Variants in PLPPR5 observed in about 807,000 individuals in gnomAD.
PLPPR5 encodes the protein phospholipid phosphatase-related protein type 5.
A neutral mutation model predicts 33.9 loss-of-function variants in PLPPR5; 16 were observed. The observed-to-expected ratio is 0.47, with a 90% CI of 0.32 to 0.72. The LOEUF (loss-of-function observed/expected upper bound fraction) is 0.72, where lower values mean the gene tolerates loss of function less well. Ranked by LOEUF, PLPPR5 falls within the 30% of genes least tolerant of loss-of-function variation. PLPPR5 has a pLI of 0.03. For missense variants in PLPPR5, 301 were observed against 406.7 expected (o/e 0.74, Z 2.23); for synonymous variants, 163 against 150.3 (o/e 1.08, Z -0.62).
intron 1 of PLPPR5, among the ~76,000 whole-genome samples, chr1:98,962,761 C>T (rs1651293174): frequency 6.6e-6 from 1 of 152,224 alleles, no homozygotes; most frequent in Admixed American, 6.5e-5. Context: ...CCTCCCACCT[C>T]AGCCTCCTGG....
intron 3 of PLPPR5, among the ~76,000 whole-genome samples, chr1:98,932,575 T>G (rs1282346997): frequency 6.6e-6 from 1 of 152,202 alleles, no homozygotes; most frequent in African/African-American, 2.4e-5. Context: ...TATGCATTAC[T>G]TTAGCTATTT....
chr1:98,908,913 T>A (rs150127253), intron 5 of PLPPR5, among the ~76,000 whole-genome samples: 215 of 152,258 alleles, frequency 1.4e-3, no homozygotes, highest in African/African-American at 5.0e-3. Context: ...CTTTTGTCAA[T>A]CTGAACATAT....
chr1:98,921,493 C>T (rs151011575), intron 4 of PLPPR5, among the ~76,000 whole-genome samples: 52 of 152,196 alleles, frequency 3.4e-4, no homozygotes, highest in Middle Eastern at 3.4e-3. Context: ...CAAACCAGTC[C>T]TGAAACTCGC....
chr1:98,947,512 GCATT>G (rs1387393947), intron 3 of PLPPR5, among the ~76,000 whole-genome samples: 1 of 152,134 alleles, frequency 6.6e-6, no homozygotes, highest in East Asian at 1.9e-4. Flanking sequence ...CTGCAAAACA[GCATT>G]ATTATATTTT....
At chr1:98,920,284 T>C (rs894902456) in intron 4 of PLPPR5, among the ~76,000 whole-genome samples, 1 of 152,060 alleles carries the variant, frequency 6.6e-6, no homozygotes, top group Non-Finnish European at 1.5e-5. Context: ...CCAGTGAAGA[T>C]GTTATGGACC....
intron 3 of PLPPR5, among the ~76,000 whole-genome samples, chr1:98,938,240 G>A (rs1650243563): frequency 6.6e-6 from 1 of 151,930 alleles, no homozygotes; most frequent in Non-Finnish European, 1.5e-5. Flanking sequence ...TCCAATCTAT[G>A]TGACCACCTG....
At chr1:98,991,535 C>G (rs962304205) in intron 1 of PLPPR5, among the ~76,000 whole-genome samples, 4 of 152,132 alleles carry the variant, frequency 2.6e-5, no homozygotes, top group Non-Finnish European at 4.4e-5. Flanking sequence ...CAGATATGGG[C>G]AGCCAGAATA....
intron 4 of PLPPR5, 44 bp from the exon 5 acceptor site, chr1:98,914,964 A>C (rs201331369): frequency 6.3e-7 from 1 of 1,578,318 alleles, no homozygotes; most frequent in East Asian, 2.3e-5. Flanking sequence ...AACTGTGCTC[A>C]CTGTGACTTT....
At position 98,892,914 on chromosome 1, in the gene PLPPR5, T is replaced by C. The variant is rs966120967; in HGVS notation, c.*158A>G. ...TCCTGCCCTCGAGGAGCTCACAGTC[T>C]AGTGGGGGAAACAGATAGGTTGACA... On this transcript the variant is annotated 3_prime_UTR_variant, in exon 6 of 6. Transcript: ENST00000263177. 5 of 709,084 alleles carry C rather than the reference T, an allele frequency of 7.1e-6. No homozygotes were observed. The highest frequency in any genetic ancestry group is 9.5e-6 in the Non-Finnish European group (4 of 421,452). 43.9% of individuals were successfully genotyped at this position (709,084 alleles called of 1,614,324 possible). A position where few individuals can be genotyped will look rare whatever the true frequency, so the allele number is the denominator to read the frequency against.
At chr1:98,921,661 A>G (rs1389996725) in intron 4 of PLPPR5, among the ~76,000 whole-genome samples, 1 of 152,182 alleles carries the variant, frequency 6.6e-6, no homozygotes, top group South Asian at 2.1e-4. Context: ...CTTTAAGCAT[A>G]GGATTTGTAT....
At chr1:98,990,323 C>T (rs1195220821) in intron 1 of PLPPR5, among the ~76,000 whole-genome samples, 3 of 152,014 alleles carry the variant, frequency 2.0e-5, no homozygotes, top group African/African-American at 4.8e-5. Context: ...GAGCTGAGAT[C>T]GCGCCACTAT....
chr1:99,004,971 C>T (rs190538888), upstream of PLPPR5: 4 of 158,374 alleles, frequency 2.5e-5, no homozygotes, highest in African/African-American at 9.6e-5. Context: ...CGGGGAGTCC[C>T]GGGCGACGGG....
intron 1 of PLPPR5, among the ~76,000 whole-genome samples, chr1:98,997,661 A>C (rs923195773): frequency 3.3e-5 from 5 of 152,174 alleles, no homozygotes; most frequent in Non-Finnish European, 5.9e-5. Context: ...TCAGGAAAAA[A>C]AGTATAAAAA....
chr1:98,990,952 A>G (rs1281209422), intron 1 of PLPPR5: 1 of 152,172 alleles, frequency 6.6e-6, no homozygotes, highest in Admixed American at 6.6e-5. Context: ...GGATGTGGTG[A>G]GCAAGAAGCA....
intron 1 of PLPPR5, among the ~76,000 whole-genome samples, chr1:98,996,401 G>C (rs1652633591): frequency 6.6e-6 from 1 of 151,788 alleles, no homozygotes. Flanking sequence ...CTAGAGTCCT[G>C]TTTTTGCCAC....
intron 1 of PLPPR5, among the ~76,000 whole-genome samples, chr1:98,990,093 G>C (rs979605939): frequency 7.9e-5 from 12 of 152,148 alleles, no homozygotes; most frequent in African/African-American, 2.9e-4. Flanking sequence ...TAAAGAAAGA[G>C]CAGGCCAGGC....
intron 3 of PLPPR5, among the ~76,000 whole-genome samples, chr1:98,942,892 C>G (rs916337258): frequency 6.6e-6 from 1 of 152,112 alleles, no homozygotes; most frequent in African/African-American, 2.4e-5. Context: ...CTCTGCAGGT[C>G]AGGGCTGATG....
At chr1:98,950,927 C>G (rs1311740525) in intron 3 of PLPPR5, among the ~76,000 whole-genome samples, 1 of 152,028 alleles carries the variant, frequency 6.6e-6, no homozygotes, top group African/African-American at 2.4e-5. Context: ...AGGCTGGTCT[C>G]AAACTCCAAA....
intron 3 of PLPPR5, among the ~76,000 whole-genome samples, chr1:98,952,487 G>C (rs1444964692): frequency 3.3e-5 from 5 of 152,060 alleles, no homozygotes; most frequent in Admixed American, 2.6e-4. Context: ...AAAGGTCCTA[G>C]GATAGCTGCC....
Sources: gnomAD v4.1 joint callset for allele counts (sites outside exome capture counted in the v4.1 genomes callset) on GRCh38, gnomAD v4.1.1 for gene constraint, MANE v1.5 for transcripts, NCBI Gene and HGNC (gene_info 2026-07-23, HGNC 2026-07-21) for gene names.